Variants in PKD1L3 observed in about 807,000 individuals in gnomAD.
The protein encoded by PKD1L3 is polycystin 1 like 3, transient receptor potential channel interacting.
PKD1L3 carries 239 observed loss-of-function variants against 184.1 expected under a neutral mutation model. The ratio of observed to expected loss-of-function variants is 1.30; its 90% CI spans 1.17 to 1.45. PKD1L3 has a LOEUF of 1.45. Ranked by LOEUF, PKD1L3 falls within the 40% of genes most tolerant of loss-of-function variation. PKD1L3 has a pLI of 0.00. For missense variants in PKD1L3, 2,660 were observed against 2,067.2 expected (o/e 1.29, Z -5.56); for synonymous variants, 996 against 778.8 (o/e 1.28, Z -4.64).
At chr16:71,941,882 C>T (rs980445593) in intron 24 of PKD1L3, among the ~76,000 whole-genome samples, 1 of 151,734 alleles carries the variant, frequency 6.6e-6, no homozygotes, top group Admixed American at 6.6e-5. Context: ...CCGTGCCCGA[C>T]CTCTATGACA....
At position 71,969,873 on chromosome 16, in the gene PKD1L3, A is replaced by G. The variant is rs1338185060; in HGVS notation, c.2184+2T>C. On this transcript the variant is annotated splice_donor_variant, in intron 13 of 29. Coordinates refer to ENST00000620267, the MANE Select transcript of PKD1L3 (RefSeq NM_181536.2). LOFTEE classifies it high-confidence loss of function. ...AATCTGTTGAAATCAAAGTCTCATT[A>G]CCTTCTGCATATCTGCTTGATCCTT... 6.5e-7 allele frequency: 1 copy of G among 1,542,604 alleles called. No homozygotes were observed. Among genetic ancestry groups the G allele is most frequent in the Non-Finnish European group, 8.8e-7 (1 of 1,139,652 alleles).
chr16:71,997,786 A>AATAAATAAATAC (rs1423374251), intron 2 of PKD1L3, among the ~76,000 whole-genome samples: 2 of 151,030 alleles, frequency 1.3e-5, no homozygotes, highest in Non-Finnish European at 1.5e-5. Context: ...TAAATAAATA[A>AATAAATAAATAC]ATACAACAAC....
intron 7 of PKD1L3, among the ~76,000 whole-genome samples, chr16:71,980,969 G>T (rs530189235): frequency 6.6e-6 from 1 of 152,270 alleles, no homozygotes; most frequent in East Asian, 1.9e-4. Context: ...TCATATAAGT[G>T]AATCACAACA....
chr16:71,932,280 C>G (rs1348827088), intron 28 of PKD1L3, among the ~76,000 whole-genome samples: 1 of 152,104 alleles, frequency 6.6e-6, no homozygotes, highest in Non-Finnish European at 1.5e-5. Flanking sequence ...TCATATCTAC[C>G]CTTTACATAC....
chr16:71,965,129 TG>T (rs1459899002), intron 15 of PKD1L3, among the ~76,000 whole-genome samples: 4 of 152,202 alleles, frequency 2.6e-5, no homozygotes, highest in Non-Finnish European at 4.4e-5. Context: ...ATTAGAGGTG[TG>T]AGCCACTGTG....
chr16:71,969,727 GA>G (rs2039639063), intron 13 of PKD1L3, 147 bp downstream of exon 13: 1 of 731,336 alleles, frequency 1.4e-6, no homozygotes, highest in Non-Finnish European at 2.2e-6. Context: ...CAGCAGACAC[GA>G]AGATAAATTT....
At chr16:71,961,554 G>A (rs375745535) in intron 16 of PKD1L3, among the ~76,000 whole-genome samples, 57 of 122,494 alleles carry the variant, frequency 4.7e-4, no homozygotes, top group African/African-American at 1.6e-3. Context: ...AGGTTGCCAC[G>A]CAGAAGCCAT....
chr16:71,953,168 T>C, intron 17 of PKD1L3, 75 bp from the exon 18 acceptor site: 1 of 1,241,316 alleles, frequency 8.1e-7, no homozygotes, highest in Non-Finnish European at 1.1e-6. Flanking sequence ...CTCCTAGGTT[T>C]AACTATTTAC....
At chr16:71,995,197 C>A (rs898093356) in intron 2 of PKD1L3, among the ~76,000 whole-genome samples, 10 of 152,054 alleles carry the variant, frequency 6.6e-5, no homozygotes, top group South Asian at 2.1e-4. Context: ...CAAGAGAAGC[C>A]CTCCCTCTGC....
chr16:71,932,707 G>A (rs1277976002), intron 28 of PKD1L3, among the ~76,000 whole-genome samples: 1 of 150,264 alleles, frequency 6.7e-6, no homozygotes, highest in Non-Finnish European at 1.5e-5. Flanking sequence ...TTGAACTCCT[G>A]ACCTCAAAAG....
chr16:71,957,502 A>C (rs1476254621), intron 16 of PKD1L3, among the ~76,000 whole-genome samples: 1 of 152,100 alleles, frequency 6.6e-6, no homozygotes, highest in Non-Finnish European at 1.5e-5. Context: ...AAATGAATTG[A>C]AATTAAAAGG....
intron 24 of PKD1L3, among the ~76,000 whole-genome samples, chr16:71,937,876 G>A (rs2038233458): frequency 6.6e-6 from 1 of 152,186 alleles, no homozygotes; most frequent in South Asian, 2.1e-4. Flanking sequence ...ATCATGAAAG[G>A]TCTTGTGAAT....
intron 16 of PKD1L3, among the ~76,000 whole-genome samples, chr16:71,954,803 G>A (rs2038982753): frequency 6.6e-6 from 1 of 152,176 alleles, no homozygotes; most frequent in South Asian, 2.1e-4. Flanking sequence ...AAACAAGGTG[G>A]TCAGAGTGAG....
In PKD1L3 at chr16:71,933,640, A is replaced by G. The variant is rs541281991; in HGVS notation, c.4825-119T>C. The G allele has an allele frequency of 5.0e-6, 4 of 796,424 alleles. No homozygotes were observed. The East Asian group carries it at 1.1e-4, about 21-fold the overall frequency. The allele number at this position is 796,424 out of a possible 1,614,324, so 49.3% of individuals were successfully genotyped here. ...AACAGAAATTCCTTGTGGCCAAATT[A>G]TGCCCAAAGAATACATAAACTTCCT... On this transcript the variant is annotated intron_variant, in intron 27 of 29. Transcript: ENST00000620267.
At chr16:71,948,592 G>T (rs903767803) in intron 21 of PKD1L3, among the ~76,000 whole-genome samples, 2 of 152,130 alleles carry the variant, frequency 1.3e-5, no homozygotes, top group African/African-American at 4.8e-5. Context: ...GTTGCAGGTT[G>T]TCACTACATA....
At position 71,998,381 on chromosome 16, in the gene PKD1L3, G is replaced by C. The variant is rs2040863125; in HGVS notation, c.309C>G (p.Ala103=). 6.4e-7 allele frequency: 1 copy of C among 1,551,508 alleles called. No homozygotes were observed. The highest frequency in any genetic ancestry group is 1.4e-5 in the African/African-American group (1 of 73,136). ...AGCTGAGGGGCTTTGGGGGCCCGTT[G>C]GCTGCAACGTCTGCTGAGGGGAGAT... ...QDNKYPADVA[A]NGPPKPLSCT... is the part of the protein sequence containing the mutation. Residue 103 remains alanine (A), a synonymous_variant, in exon 2 of 30, where the codon GCC becomes GCG. Transcript: ENST00000620267.
Position 71,947,339 on chromosome 16 carries a change from T to G in PKD1L3, c.3718+153A>C, listed in dbSNP as rs1424558897. On this transcript the variant is annotated intron_variant, in intron 22 of 29. Transcript: ENST00000620267. ...GTGATGACTGAGGTGAAGATCCTCA[T>G]CTGGAAGGGCATTAGTCTTGGGCAG... The G allele has an allele frequency of 1.9e-5, 3 of 154,524 alleles. No homozygotes were observed. In the Admixed American group the frequency reaches 2.0e-4, roughly 10 times the overall value. The allele number at this position is 154,524 out of a possible 1,614,324, so 9.6% of individuals were successfully genotyped here. A position where few individuals can be genotyped will look rare whatever the true frequency, so the allele number is the denominator to read the frequency against.
Position 71,937,336 on chromosome 16 carries a change from G to A in PKD1L3, c.4408C>T (p.Gln1470Ter), listed in dbSNP as rs903182607. 25 of 1,551,540 alleles carry A rather than the reference G, an allele frequency of 1.6e-5. No homozygotes were observed. Among genetic ancestry groups the A allele is most frequent in the African/African-American group, 2.7e-5 (2 of 73,046 alleles). Reference sequence around the variant, plus strand: ...CAGACCAGTAGATAATAGATGACTTGTGAGATGATAGACCAGACACAGCCC... The same window carrying A: ...CAGACCAGTAGATAATAGATGACTTATGAGATGATAGACCAGACACAGCCC... ...KKGCVWSIIS[Q>*]VIYYLLVCYY... Residue 1470 changes from glutamine to a stop codon, truncating the protein, a stop_gained, in exon 25 of 30, where the codon CAA (glutamine) becomes TAA (stop). Coordinates refer to ENST00000620267, the MANE Select transcript of PKD1L3 (RefSeq NM_181536.2). LOFTEE classifies it high-confidence loss of function.
chr16:71,945,283 TATATATATATATATATATATATACAC>T (rs1466730499), intron 22 of PKD1L3, among the ~76,000 whole-genome samples: 11 of 58,290 alleles, frequency 1.9e-4, no homozygotes, highest in African/African-American at 1.1e-3. Flanking sequence ...TATATATATA[TATATATATATATATATATATATACAC>T]ACACACACAC....
Sources: allele counts gnomAD v4.1 joint callset (sites outside exome capture counted in the v4.1 genomes callset), GRCh38; gene constraint gnomAD v4.1.1; transcripts MANE v1.5; gene names NCBI Gene and HGNC (gene_info 2026-07-23, HGNC 2026-07-21).